LYRM4: variants seen among roughly 807,000 people sequenced by gnomAD.
LYRM4 encodes LYR motif containing 4.
Under a neutral mutation model 11.7 loss-of-function variants are expected in LYRM4, and 9 were observed. The ratio of observed to expected loss-of-function variants is 0.77; its 90% CI spans 0.46 to 1.34. The LOEUF is 1.34. LYRM4 is among the 40% of genes most tolerant of loss of function. LYRM4 has a pLI of 0.00. For missense variants in LYRM4, 133 were observed against 112.5 expected (o/e 1.18, Z -0.82); for synonymous variants, 42 against 40.4 (o/e 1.04, Z -0.15).
intron 1 of LYRM4, among the ~76,000 whole-genome samples, chr6:5,260,339 C>G (rs893681516): frequency 4.6e-5 from 7 of 152,210 alleles, no homozygotes; most frequent in Non-Finnish European, 1.0e-4. Flanking sequence ...ATTTCCATCC[C>G]TTTTTTCTCT....
the LYRM4 span, among the ~76,000 whole-genome samples, chr6:5,083,730 C>T: frequency 6.6e-6 from 1 of 152,220 alleles, no homozygotes. Flanking sequence ...ATCTCTTTTG[C>T]CTGCCCTCTG....
downstream of LYRM4, among the ~76,000 whole-genome samples, chr6:5,100,308 G>A (rs756885779): frequency 6.6e-6 from 1 of 152,162 alleles, no homozygotes; most frequent in Non-Finnish European, 1.5e-5. Flanking sequence ...TGGAAGCCAG[G>A]ACGTATGGAG....
At chr6:5,066,378 C>CT in the LYRM4 span, 1 of 729,658 alleles carries the variant, frequency 1.4e-6, no homozygotes, top group Non-Finnish European at 2.5e-6. Context: ...CAAAGTGGCC[C>CT]TTTTTTCACC....
chr6:5,260,903 G>A lies in LYRM4; in HGVS notation c.-170C>T, dbSNP rs2224392. 269,625 of 1,382,558 alleles carry A rather than the reference G, an allele frequency of 0.2. 28,723 individuals are homozygous for A. The highest frequency in any genetic ancestry group is 0.42 in the African/African-American group (27,463 of 65,394). 85.6% of individuals were successfully genotyped at this position (1,382,558 alleles called of 1,614,324 possible). The stretch of plus-strand genomic sequence containing the variant: ...GCGGGCAGCCCTGCGGATCGCGGAC[G>A]GCGCCAGGCGTCCCGCGCCGCTTCG... On this transcript the variant is annotated 5_prime_UTR_variant, in exon 1 of 3. Coordinates refer to ENST00000330636, the MANE Select transcript of LYRM4 (RefSeq NM_020408.6).
At chr6:5,050,542 TATTTTTCCTTTATTACCCTTTTGG>T in the LYRM4 span, among the ~76,000 whole-genome samples, 1 of 152,230 alleles carries the variant, frequency 6.6e-6, no homozygotes, top group Non-Finnish European at 1.5e-5. Flanking sequence ...TTTTCTTCTT[TATTTTTCCTTTATTACCCTTTTGG>T]AATAAAATAT....
At chr6:5,193,300 A>T (rs73363052) in intron 2 of LYRM4, among the ~76,000 whole-genome samples, 1 of 151,130 alleles carries the variant, frequency 6.6e-6, no homozygotes, top group Non-Finnish European at 1.5e-5. Flanking sequence ...TTAAAAAAAA[A>T]CCAGAAAACA....
chr6:5,118,116 T>TTTTGTTTTG lies in LYRM4; in HGVS notation c.208-8626_208-8625insCAAAACAAA, dbSNP rs756067871. On this transcript the variant is annotated intron_variant, in intron 2 of 2. Transcript: ENST00000330636. ...TATATTTTTGTTTTGTTTTGTTTTG[T>TTTTGTTTTG]TTTTTTTTTTGAGACAGAGTCTCAC... 1.3e-3 allele frequency among the ~76,000 whole-genome samples: 129 copies of TTTTGTTTTG among 96,764 alleles called. 1 individual carries two copies. Among genetic ancestry groups the TTTTGTTTTG allele is most frequent in the African/African-American group, 5.2e-3 (118 of 22,830 alleles). The allele number at this position is 96,764 out of a possible 152,430, so 63.5% of individuals were successfully genotyped here.
At chr6:5,130,240 A>G (rs556277559) in intron 2 of LYRM4, among the ~76,000 whole-genome samples, 64 of 152,290 alleles carry the variant, frequency 4.2e-4, no homozygotes, top group African/African-American at 1.4e-3. Context: ...TGGACCATGC[A>G]GGGCCTGGAG....
chr6:5,063,969 G>A, the LYRM4 span, among the ~76,000 whole-genome samples: 12 of 152,248 alleles, frequency 7.9e-5, no homozygotes, highest in East Asian at 2.3e-3. Flanking sequence ...GCTCCGGTGG[G>A]AGCTGCCTGT....
At chr6:5,211,753 T>C (rs1581515524) in intron 2 of LYRM4, among the ~76,000 whole-genome samples, 1 of 152,304 alleles carries the variant, frequency 6.6e-6, no homozygotes, top group East Asian at 1.9e-4. Context: ...TTAGAACACA[T>C]CCAGTTTATC....
At chr6:5,222,044 A>C (rs961839974) in intron 1 of LYRM4, among the ~76,000 whole-genome samples, 20 of 152,216 alleles carry the variant, frequency 1.3e-4, no homozygotes, top group Admixed American at 5.2e-4. Flanking sequence ...CTCAAGGATC[A>C]TTTGAAGGTC....
intron 2 of LYRM4, among the ~76,000 whole-genome samples, chr6:5,173,573 C>T (rs946397164): frequency 6.6e-6 from 1 of 152,174 alleles, no homozygotes; most frequent in Non-Finnish European, 1.5e-5. Flanking sequence ...TGAATGATAT[C>T]CTACATTAAC....
At chr6:5,260,440 T>C (rs1477190027) in intron 1 of LYRM4, among the ~76,000 whole-genome samples, 1 of 152,190 alleles carries the variant, frequency 6.6e-6, no homozygotes, top group South Asian at 2.1e-4. Context: ...ACGTCTCCCC[T>C]GGTAGAAAGA....
intron 2 of LYRM4, among the ~76,000 whole-genome samples, chr6:5,161,667 G>T (rs1758763364): frequency 6.6e-6 from 1 of 152,160 alleles, no homozygotes; most frequent in Non-Finnish European, 1.5e-5. Context: ...TAGCATTTAA[G>T]AAATAAAAAT....
At chr6:5,235,243 C>T (rs902331761) in intron 1 of LYRM4, among the ~76,000 whole-genome samples, 37 of 152,192 alleles carry the variant, frequency 2.4e-4, no homozygotes, top group East Asian at 7.7e-4. Context: ...CCTGGGTTCA[C>T]GCAATTCTCC....
chr6:5,172,121 T>A (rs76761913), intron 2 of LYRM4, among the ~76,000 whole-genome samples: 6,033 of 152,184 alleles, frequency 0.04, 179 homozygotes, highest in East Asian at 0.1. Context: ...TCAGGAACCC[T>A]TCACCATCCC....
intron 2 of LYRM4, among the ~76,000 whole-genome samples, chr6:5,204,187 T>C (rs756122655): frequency 6.6e-6 from 1 of 152,062 alleles, no homozygotes; most frequent in Admixed American, 6.5e-5. Context: ...TGCCTTCCCG[T>C]GGGGCACCAG....
chr6:5,233,432 C>T (rs965806280), intron 1 of LYRM4, among the ~76,000 whole-genome samples: 2 of 152,292 alleles, frequency 1.3e-5, no homozygotes, highest in South Asian at 2.1e-4. Flanking sequence ...AGCCCTGGAA[C>T]GTGAGAAGAA....
the LYRM4 span, among the ~76,000 whole-genome samples, chr6:5,070,794 C>T: frequency 1.3e-5 from 2 of 149,478 alleles, no homozygotes; most frequent in African/African-American, 5.0e-5. Context: ...GTGCTTGAGC[C>T]CAGGAATTCA....
Sources: allele counts gnomAD v4.1 joint callset (sites outside exome capture counted in the v4.1 genomes callset), GRCh38; gene constraint gnomAD v4.1.1; transcripts MANE v1.5; gene names NCBI Gene and HGNC (gene_info 2026-07-23, HGNC 2026-07-21).